DSCAML1: variants seen among roughly 807,000 people sequenced by gnomAD.
DSCAML1 encodes DS cell adhesion molecule like 1.
In DSCAML1, 38 loss-of-function variants were observed where a neutral mutation model predicts 200.5. The ratio of observed to expected loss-of-function variants is 0.19; its 90% CI spans 0.15 to 0.25. DSCAML1 has a LOEUF of 0.25. Ranked by LOEUF, DSCAML1 falls within the 10% of genes least tolerant of loss-of-function variation. The pLI, the probability that DSCAML1 is intolerant of heterozygous loss-of-function variation, is 1.00. For synonymous variants in DSCAML1, 1,215 were observed against 1,165.0 expected, an observed-to-expected ratio of 1.04 and a Z score of -0.87; for missense variants, 2,223 against 2,858.8, an observed-to-expected ratio of 0.78 and a Z score of 5.07.
rs1013862898 is a variant in DSCAML1, at chr11:117,480,624, GCCT to G, written c.2657-56_2657-54del. ...AGTGAGGAGGGCAGCAGGGAGCTTGGCCTCCTGCTTGGCCCTGAGGATTGGCAT... is the reference window on the plus strand; with the variant it reads ...AGTGAGGAGGGCAGCAGGGAGCTTGGCCTGCTTGGCCCTGAGGATTGGCAT... On this transcript the variant is annotated intron_variant, in intron 13 of 32. Coordinates refer to ENST00000651296, the MANE Select transcript of DSCAML1 (RefSeq NM_020693.4). The surrounding 1 kb of genome is among the most constrained non-coding windows in gnomAD (Gnocchi z 4.1). 144 of 1,544,980 alleles carry G rather than the reference GCCT, an allele frequency of 9.3e-5. No individual in the cohort carries two copies. The highest frequency in any genetic ancestry group is 1.2e-4 in the Non-Finnish European group (138 of 1,144,192).
upstream of DSCAML1, among the ~76,000 whole-genome samples, chr11:117,800,387 T>C (rs1044254443): frequency 5.9e-5 from 9 of 152,378 alleles, no homozygotes; most frequent in African/African-American, 2.2e-4. Flanking sequence ...CAAAATTATA[T>C]GGAAAACTTC....
At chr11:117,591,242 A>G (rs1279823037) in intron 3 of DSCAML1, among the ~76,000 whole-genome samples, 2 of 152,150 alleles carry the variant, frequency 1.3e-5, no homozygotes, top group African/African-American at 4.8e-5. Context: ...GGCGAGGAGC[A>G]GGTTCCAACA....
rs753592232 is a variant in DSCAML1, at chr11:117,743,772, G to A, written c.511+33019C>T. Among the ~76,000 whole-genome samples, 136 of 152,184 alleles carry A rather than the reference G, an allele frequency of 8.9e-4. 2 individuals carry two copies. The highest frequency in any genetic ancestry group is 8.4e-4 in the Non-Finnish European group (57 of 68,042). On this transcript the variant is annotated intron_variant, in intron 3 of 32. Coordinates refer to ENST00000651296, the MANE Select transcript of DSCAML1 (RefSeq NM_020693.4). ...TTATCCCTAACAATTAATCCTTAGC[G>A]ATTAACAGACAGAATTCAATACCCA...
At chr11:117,659,264 C>T (rs1017221927) in intron 3 of DSCAML1, among the ~76,000 whole-genome samples, 16 of 152,184 alleles carry the variant, frequency 1.1e-4, no homozygotes, top group East Asian at 1.9e-4. Context: ...GTGACAATCA[C>T]GCTTAGAGCT....
chr11:117,443,034 C>T (rs938318944), intron 21 of DSCAML1, among the ~76,000 whole-genome samples: 1 of 152,178 alleles, frequency 6.6e-6, no homozygotes. Context: ...TGTGTTTGGG[C>T]CAAGAGAAGC....
Position 117,619,220 on chromosome 11 carries a change from C to T in DSCAML1, c.512-86698G>A, listed in dbSNP as rs12289669. On this transcript the variant is annotated intron_variant, in intron 3 of 32. Transcript: ENST00000651296. ...CCCCTGGTGGCTGGTCTCAGGCTTT[C>T]TCTATCCAACCTGGTCGCTAGGAAA... Among the ~76,000 whole-genome samples the T allele has an allele frequency of 3.9e-3, 587 of 152,360 alleles. 5 individuals carry two copies. The highest frequency in any genetic ancestry group is 0.013 in the African/African-American group (554 of 41,584).
Position 117,548,236 on chromosome 11 carries a change from C to G in DSCAML1, c.512-15714G>C, listed in dbSNP as rs11216449. ...CCATCTGCTTTAATTCTTGCAACAG[C>G]CTTCTTGGGCTAAGGGTTTTCTTCT... On this transcript the variant is annotated intron_variant, in intron 3 of 32. Coordinates refer to ENST00000651296, the MANE Select transcript of DSCAML1 (RefSeq NM_020693.4). 9.4e-3 allele frequency among the ~76,000 whole-genome samples: 1,431 copies of G among 152,362 alleles called. 8 individuals carry two copies. Among genetic ancestry groups the G allele is most frequent in the Non-Finnish European group, 0.016 (1,064 of 68,044 alleles).
chr11:117,647,803 G>T (rs1254220618), intron 3 of DSCAML1, among the ~76,000 whole-genome samples: 1 of 152,154 alleles, frequency 6.6e-6, no homozygotes, highest in East Asian at 1.9e-4. Flanking sequence ...GAAAGAGAAG[G>T]ATGGGGAGCA....
At chr11:117,735,489 C>A (rs372742733) in intron 3 of DSCAML1, among the ~76,000 whole-genome samples, 3 of 147,542 alleles carry the variant, frequency 2.0e-5, no homozygotes, top group African/African-American at 7.4e-5. Context: ...AGAGGCTGGG[C>A]GGGGCAGGGG....
chr11:117,472,153 C>T, intron 14 of DSCAML1, 117 bp from the exon 15 acceptor site: 2 of 1,141,632 alleles, frequency 1.8e-6, no homozygotes, highest in Non-Finnish European at 2.5e-6. Flanking sequence ...CCAGCTCACA[C>T]AGACTGCAGA....
intron 3 of DSCAML1, among the ~76,000 whole-genome samples, chr11:117,723,447 C>A (rs1053121082): frequency 3.9e-5 from 6 of 152,176 alleles, no homozygotes; most frequent in Non-Finnish European, 5.9e-5. Context: ...GAGATTACAA[C>A]AAATGCCGTG....
At chr11:117,626,890 C>T (rs574416266) in intron 3 of DSCAML1, among the ~76,000 whole-genome samples, 14 of 152,216 alleles carry the variant, frequency 9.2e-5, no homozygotes, top group African/African-American at 2.9e-4. Flanking sequence ...GTGCCTGCCA[C>T]TTGCTGACCA....
chr11:117,532,936 G>A (rs552085305), intron 3 of DSCAML1, among the ~76,000 whole-genome samples: 3 of 151,812 alleles, frequency 2.0e-5, no homozygotes, highest in Admixed American at 2.0e-4. Flanking sequence ...TTGGAGACTA[G>A]CCTGGGCAAT....
At position 117,433,228 on chromosome 11, in the gene DSCAML1, C is replaced by T. The variant is rs1238209122; in HGVS notation, c.4936G>A (p.Val1646Met). ...SKNNRSFDTPVKGPPQGPRLH... is the reference protein window; with the variant it reads ...SKNNRSFDTPMKGPPQGPRLH... ...CGTGGGCCCTGGGGTGGCCCTTTCACAGGGGTGTCAAAGCTTCTATTGTTC... is the reference window on the plus strand; with the variant it reads ...CGTGGGCCCTGGGGTGGCCCTTTCATAGGGGTGTCAAAGCTTCTATTGTTC... Residue 1646 changes from valine (V) to methionine (M), a missense_variant, in exon 29 of 33, where the codon GTG (valine) becomes ATG (methionine). Physicochemically the swap from Val to Met is conservative, Grantham distance 21 (BLOSUM62 1). Around this residue, in one of 7 missense-constraint regions of DSCAML1, gnomAD observed 614 missense variants for 739.1 expected, o/e 0.83. Coordinates refer to ENST00000651296, the MANE Select transcript of DSCAML1 (RefSeq NM_020693.4). The T allele has an allele frequency of 6.2e-7, 1 of 1,612,736 alleles. No individual in the cohort carries two copies. The highest frequency in any genetic ancestry group is 8.5e-7 in the Non-Finnish European group (1 of 1,179,468).
At chr11:117,730,746 T>C (rs1200759960) in intron 3 of DSCAML1, among the ~76,000 whole-genome samples, 2 of 152,216 alleles carry the variant, frequency 1.3e-5, no homozygotes, top group African/African-American at 2.4e-5. Context: ...CACCAACATT[T>C]GTAAACAAAT....
At chr11:117,632,973 T>C (rs2052204368) in intron 3 of DSCAML1, among the ~76,000 whole-genome samples, 1 of 152,188 alleles carries the variant, frequency 6.6e-6, no homozygotes, top group Non-Finnish European at 1.5e-5. Flanking sequence ...AAGCTGGAGT[T>C]CCCAACCATT....
At chr11:117,769,049 G>C (rs959888948) in intron 3 of DSCAML1, among the ~76,000 whole-genome samples, 10 of 95,516 alleles carry the variant, frequency 1.0e-4, no homozygotes, top group Admixed American at 1.6e-4. Flanking sequence ...GACAGAGCAA[G>C]ATTCCATCTC....
intron 3 of DSCAML1, among the ~76,000 whole-genome samples, chr11:117,726,251 CTG>C (rs374321961): frequency 1.4e-4 from 21 of 149,284 alleles, no homozygotes; most frequent in Admixed American, 2.0e-4. Context: ...GTGTGTATCT[CTG>C]TGTGTGTGTG....
At chr11:117,576,427 A>G (rs1262179705) in intron 3 of DSCAML1, among the ~76,000 whole-genome samples, 1 of 152,158 alleles carries the variant, frequency 6.6e-6, no homozygotes, top group Non-Finnish European at 1.5e-5. Flanking sequence ...CGCTTTCCCA[A>G]CAGTGGACTC....
Sources: allele counts gnomAD v4.1 joint callset (sites outside exome capture counted in the v4.1 genomes callset), GRCh38; gene constraint gnomAD v4.1.1; regional missense constraint gnomAD v4.1.1; non-coding constraint Gnocchi (gnomAD v3.1); transcripts MANE v1.5; gene names NCBI Gene and HGNC (gene_info 2026-07-23, HGNC 2026-07-21).